Variants in PCGF5 observed in about 807,000 individuals in gnomAD.
The protein encoded by PCGF5 is polycomb group ring finger 5.
PCGF5 carries 9 observed loss-of-function variants against 44.3 expected under a neutral mutation model. The ratio of observed to expected loss-of-function variants is 0.20; its 90% CI spans 0.12 to 0.35. The LOEUF is 0.35. Among genes scored for constraint, PCGF5 ranks in the 10% least tolerant of loss-of-function variants. The pLI, the probability that PCGF5 is intolerant of heterozygous loss-of-function variation, is 1.00. For synonymous variants in PCGF5, 95 were observed against 102.5 expected (o/e 0.93, Z 0.44); for missense variants, 146 against 305.3 (o/e 0.48, Z 3.89).
intron 7 of PCGF5, 70 bp downstream of exon 7, chr10:91,261,494 GA>G: frequency 7.6e-7 from 1 of 1,314,278 alleles, no homozygotes; most frequent in Admixed American, 3.2e-5. Context: ...TAACAAAAGT[GA>G]AAACTGAGAA....
At chr10:91,258,697 G>A (rs1365605512) in intron 6 of PCGF5, among the ~76,000 whole-genome samples, 1 of 152,078 alleles carries the variant, frequency 6.6e-6, no homozygotes, top group Non-Finnish European at 1.5e-5. Context: ...TTATCCCTTT[G>A]TTTTCATGCT....
chr10:91,171,870 G>T (rs1162822867), intron 1 of PCGF5, among the ~76,000 whole-genome samples: 1 of 152,064 alleles, frequency 6.6e-6, no homozygotes, highest in Non-Finnish European at 1.5e-5. Context: ...GGAACTATGA[G>T]GCCAAAATAT....
At chr10:91,204,686 A>G (rs1844309031) in intron 1 of PCGF5, among the ~76,000 whole-genome samples, 1 of 152,178 alleles carries the variant, frequency 6.6e-6, no homozygotes, top group South Asian at 2.1e-4. Context: ...GTTGTACATA[A>G]CAAAAGTTCC....
intron 2 of PCGF5, among the ~76,000 whole-genome samples, chr10:91,237,339 G>C (rs1278010649): frequency 6.6e-6 from 1 of 152,080 alleles, no homozygotes; most frequent in Non-Finnish European, 1.5e-5. Context: ...AAGCAAGTCA[G>C]AATATTACAT....
intron 3 of PCGF5, among the ~76,000 whole-genome samples, chr10:91,241,551 C>T (rs1845327770): frequency 1.3e-5 from 2 of 152,012 alleles, no homozygotes; most frequent in African/African-American, 4.8e-5. Flanking sequence ...TTTCATTGTT[C>T]CCACCATAGC....
intron 3 of PCGF5, among the ~76,000 whole-genome samples, chr10:91,242,478 G>A (rs2133353103): frequency 6.6e-6 from 1 of 151,920 alleles, no homozygotes; most frequent in African/African-American, 2.4e-5. Context: ...TTCTTAAAGG[G>A]CCACATCATA....
intron 3 of PCGF5, among the ~76,000 whole-genome samples, chr10:91,247,480 ATGAGT>A (rs1845496152): frequency 6.6e-6 from 1 of 151,934 alleles, no homozygotes; most frequent in African/African-American, 2.4e-5. Context: ...AAAAGAGTTA[ATGAGT>A]TGAGAAAGGT....
intron 7 of PCGF5, 50 bp from the exon 8 acceptor site, chr10:91,264,381 C>T (rs759571483): frequency 7.1e-7 from 1 of 1,404,470 alleles, no homozygotes; most frequent in South Asian, 1.4e-5. Context: ...ATGCAAAATA[C>T]TTTTGAATTC....
chr10:91,234,724 C>T (rs1452854063), intron 2 of PCGF5, among the ~76,000 whole-genome samples: 1 of 152,222 alleles, frequency 6.6e-6, no homozygotes. Context: ...TTACCAGACA[C>T]TGTAAACCAG....
At chr10:91,200,979 G>A (rs978350649) in intron 1 of PCGF5, among the ~76,000 whole-genome samples, 12 of 152,098 alleles carry the variant, frequency 7.9e-5, no homozygotes, top group African/African-American at 2.9e-4. Context: ...CAGAGCTTGG[G>A]CAAGCACAAG....
intron 1 of PCGF5, among the ~76,000 whole-genome samples, chr10:91,194,814 G>A (rs1844098156): frequency 1.3e-5 from 2 of 152,130 alleles, no homozygotes; most frequent in Admixed American, 1.3e-4. Context: ...TTTTAAAAAA[G>A]ATAGTATTAA....
intron 1 of PCGF5, among the ~76,000 whole-genome samples, chr10:91,179,499 T>C (rs1843779948): frequency 6.6e-6 from 1 of 152,176 alleles, no homozygotes; most frequent in African/African-American, 2.4e-5. Flanking sequence ...TCTCTACTTC[T>C]ACCCTCCACC....
upstream of PCGF5, among the ~76,000 whole-genome samples, chr10:91,160,880 G>A (rs747973908): frequency 6.6e-5 from 10 of 152,200 alleles, no homozygotes; most frequent in Non-Finnish European, 1.3e-4. Flanking sequence ...ACCAGGTGCA[G>A]CACCCAAGCC....
chr10:91,181,390 A>C (rs533624756), intron 1 of PCGF5, among the ~76,000 whole-genome samples: 1 of 152,124 alleles, frequency 6.6e-6, no homozygotes. Flanking sequence ...TTTGAATACT[A>C]TGTTGAATAG....
chr10:91,262,445 G>T (rs1845946578), intron 7 of PCGF5, among the ~76,000 whole-genome samples: 1 of 151,922 alleles, frequency 6.6e-6, no homozygotes, highest in South Asian at 2.1e-4. Flanking sequence ...GAAAAGAAAA[G>T]AAAATTAAAG....
At chr10:91,260,924 C>A (rs919374944) in intron 6 of PCGF5, among the ~76,000 whole-genome samples, 1 of 151,286 alleles carries the variant, frequency 6.6e-6, no homozygotes, top group African/African-American at 2.4e-5. Context: ...CAAACCTGCA[C>A]GTTGTGCACA....
intron 8 of PCGF5, among the ~76,000 whole-genome samples, chr10:91,267,641 A>G (rs1431164389): frequency 6.6e-6 from 1 of 152,198 alleles, no homozygotes; most frequent in Non-Finnish European, 1.5e-5. Context: ...ACTTCCAATT[A>G]CAAATTATTA....
chr10:91,265,759 A>G (rs1846036578), intron 8 of PCGF5, among the ~76,000 whole-genome samples: 1 of 152,180 alleles, frequency 6.6e-6, no homozygotes, highest in Non-Finnish European at 1.5e-5. Context: ...TAAATGAAGC[A>G]CCTACATTTG....
At chr10:91,241,195 C>T (rs753047063) in intron 3 of PCGF5, among the ~76,000 whole-genome samples, 2 of 151,892 alleles carry the variant, frequency 1.3e-5, no homozygotes, top group Non-Finnish European at 2.9e-5. Context: ...CTGCCTCAGC[C>T]TCCTGAGTAG....
Sources: gnomAD v4.1 joint callset for allele counts (sites outside exome capture counted in the v4.1 genomes callset) on GRCh38, gnomAD v4.1.1 for gene constraint, MANE v1.5 for transcripts, NCBI Gene and HGNC (gene_info 2026-07-23, HGNC 2026-07-21) for gene names.